Variants in TRAPPC9 observed in about 807,000 individuals in gnomAD.
TRAPPC9 encodes the protein trafficking protein particle complex subunit 9.
Under a neutral mutation model 124.0 loss-of-function variants are expected in TRAPPC9, and 83 were observed. The observed-to-expected ratio is 0.67, with a 90% CI of 0.56 to 0.80. The LOEUF (loss-of-function observed/expected upper bound fraction) is 0.80. Among genes scored for constraint, TRAPPC9 ranks in the 30% least tolerant of loss-of-function variants. The pLI, the probability that TRAPPC9 is intolerant of heterozygous loss-of-function variation, is 0.00. For synonymous variants in TRAPPC9, 638 were observed against 617.5 expected (o/e 1.03, Z -0.49); for missense variants, 1,302 against 1,508.3 (o/e 0.86, Z 2.27).
chr8:139,859,125 C>T (rs1424457362), intron 21 of TRAPPC9, among the ~76,000 whole-genome samples: 1 of 151,826 alleles, frequency 6.6e-6, no homozygotes, highest in Non-Finnish European at 1.5e-5. Context: ...AGGGTTACTC[C>T]TCCAGCCCCC....
chr8:140,143,577 T>C (rs1160160846), intron 17 of TRAPPC9, among the ~76,000 whole-genome samples: 1 of 152,242 alleles, frequency 6.6e-6, no homozygotes, highest in Non-Finnish European at 1.5e-5. Context: ...TTTTCCTTCC[T>C]GGTTTGTGCT....
intron 19 of TRAPPC9, among the ~76,000 whole-genome samples, chr8:139,953,712 A>G (rs975645303): frequency 3.9e-5 from 6 of 152,218 alleles, no homozygotes; most frequent in Admixed American, 2.0e-4. Context: ...AAGAGTGACA[A>G]AACAAACAGC....
rs2130092973 is a variant in TRAPPC9 at position 139,742,964 on chromosome 8, C to G, written c.3056-10762G>C. Among the ~76,000 whole-genome samples, 1 of 152,250 alleles carries G rather than the reference C, an allele frequency of 6.6e-6. No homozygotes were observed. The highest frequency in any genetic ancestry group is 2.4e-5 in the African/African-American group (1 of 41,556). On this transcript the variant is annotated intron_variant, in intron 21 of 22. Coordinates refer to ENST00000438773, the MANE Select transcript of TRAPPC9 (RefSeq NM_001160372.4). The surrounding 1 kb of genome is among the most constrained non-coding windows in gnomAD (Gnocchi z 4.7). Reference sequence around the variant, plus strand: ...GGGTGGTGCTGAGCATGAGTTTCTGCCGTGCATGTGTCCAGGGTTGCAGGC... The same window carrying G: ...GGGTGGTGCTGAGCATGAGTTTCTGGCGTGCATGTGTCCAGGGTTGCAGGC...
At chr8:140,406,670 G>T (rs2069502661) in intron 5 of TRAPPC9, among the ~76,000 whole-genome samples, 1 of 152,216 alleles carries the variant, frequency 6.6e-6, no homozygotes, top group Non-Finnish European at 1.5e-5. Context: ...TGGAGAGATG[G>T]ATGGACAGAT....
intron 8 of TRAPPC9, among the ~76,000 whole-genome samples, chr8:140,362,370 A>G (rs2067981736): frequency 6.6e-6 from 1 of 152,194 alleles, no homozygotes; most frequent in African/African-American, 2.4e-5. Context: ...AAAAACCAAT[A>G]AAGTAAAAAT....
chr8:140,355,748 G>A (rs74449661), intron 9 of TRAPPC9, among the ~76,000 whole-genome samples: 6,293 of 152,244 alleles, frequency 0.041, 282 homozygotes, highest in African/African-American at 0.11. Context: ...TGAAGCCTCC[G>A]TCCTCACTTA....
chr8:140,326,411 T>C (rs1048496914), intron 9 of TRAPPC9, among the ~76,000 whole-genome samples: 1 of 152,098 alleles, frequency 6.6e-6, no homozygotes, highest in East Asian at 1.9e-4. Context: ...GCCTCATAAG[T>C]AGCAGTGATC....
chr8:140,269,882 T>G (rs2064823087), intron 15 of TRAPPC9, among the ~76,000 whole-genome samples: 1 of 152,096 alleles, frequency 6.6e-6, no homozygotes, highest in Admixed American at 6.6e-5. Flanking sequence ...ATGGATCACT[T>G]GAGGTCAGGA....
At chr8:139,945,543 C>CAAAAAAAAAAAAAAAAAAAAAAAAAA (rs61528944) in intron 19 of TRAPPC9, among the ~76,000 whole-genome samples, 1 of 66,170 alleles carries the variant, frequency 1.5e-5, no homozygotes, top group Non-Finnish European at 2.5e-5. Context: ...GCACAATTAG[C>CAAAAAAAAAAAAAAAAAAAAAAAAAA]AAAAAAAAAA....
At chr8:139,778,130 C>T (rs1007775198) in intron 21 of TRAPPC9, among the ~76,000 whole-genome samples, 8 of 152,136 alleles carry the variant, frequency 5.3e-5, no homozygotes, top group Admixed American at 1.3e-4. Flanking sequence ...GATGCTCACA[C>T]AGAGCGAGGA....
intron 21 of TRAPPC9, among the ~76,000 whole-genome samples, chr8:139,754,912 G>T (rs185553956): frequency 6.6e-6 from 1 of 152,194 alleles, no homozygotes; most frequent in Non-Finnish European, 1.5e-5. Flanking sequence ...CGGGCAAAAC[G>T]TACTAGGAAC....
intron 21 of TRAPPC9, among the ~76,000 whole-genome samples, chr8:139,845,398 C>T (rs1464801978): frequency 1.3e-5 from 2 of 152,202 alleles, no homozygotes; most frequent in South Asian, 2.1e-4. Context: ...GACATTAAAA[C>T]GCACTGGAGT....
chr8:139,976,967 G>C (rs1202148863), intron 19 of TRAPPC9, among the ~76,000 whole-genome samples: 1 of 152,168 alleles, frequency 6.6e-6, no homozygotes, highest in Non-Finnish European at 1.5e-5. Flanking sequence ...CAGGGCCGCG[G>C]AATCAGGGTC....
At chr8:139,911,043 T>TA (rs1831695923) in intron 19 of TRAPPC9, among the ~76,000 whole-genome samples, 1 of 152,162 alleles carries the variant, frequency 6.6e-6, no homozygotes, top group South Asian at 2.1e-4. Context: ...GGCAGAATGA[T>TA]AGAGTTTGGC....
At chr8:139,911,301 G>GT (rs1345350289) in intron 19 of TRAPPC9, 1 of 152,360 alleles carries the variant, frequency 6.6e-6, no homozygotes, top group Admixed American at 6.5e-5. Flanking sequence ...ACGTGGAACT[G>GT]TAAGTCCAAT....
At chr8:139,779,057 A>G (rs1586824429) in intron 21 of TRAPPC9, among the ~76,000 whole-genome samples, 1 of 151,948 alleles carries the variant, frequency 6.6e-6, no homozygotes, top group East Asian at 1.9e-4. Flanking sequence ...CACCAACCTA[A>G]TAAGTACTGC....
chr8:140,334,941 G>A (rs947209990), intron 9 of TRAPPC9, among the ~76,000 whole-genome samples: 1 of 152,044 alleles, frequency 6.6e-6, no homozygotes, highest in East Asian at 1.9e-4. Context: ...TGCTACAATA[G>A]AAGCAGCATG....
intron 9 of TRAPPC9, among the ~76,000 whole-genome samples, chr8:140,312,595 G>A (rs147351050): frequency 6.6e-6 from 1 of 152,152 alleles, no homozygotes; most frequent in Non-Finnish European, 1.5e-5. Context: ...TGGACAAAGA[G>A]CAGGTAAGTA....
chr8:140,020,278 C>G (rs1453797109), intron 18 of TRAPPC9, among the ~76,000 whole-genome samples: 1 of 152,204 alleles, frequency 6.6e-6, no homozygotes, highest in Non-Finnish European at 1.5e-5. Flanking sequence ...ACTCTAGGTA[C>G]ATTTTGCTAT....
Sources: gnomAD v4.1 joint callset for allele counts (sites outside exome capture counted in the v4.1 genomes callset) on GRCh38, gnomAD v4.1.1 for gene constraint, Gnocchi (gnomAD v3.1) non-coding constraint, MANE v1.5 for transcripts, NCBI Gene and HGNC (gene_info 2026-07-23, HGNC 2026-07-21) for gene names.